Variants in NXPH2 observed in about 807,000 individuals in gnomAD.
NXPH2 encodes the protein neurexophilin-2.
NXPH2 carries 5 observed loss-of-function variants against 19.8 expected under a neutral mutation model. The ratio of observed to expected loss-of-function variants is 0.25; its 90% CI spans 0.13 to 0.53. The LOEUF is 0.53. Among genes scored for constraint, NXPH2 ranks in the 20% least tolerant of loss-of-function variants. NXPH2 has a pLI of 0.96. For missense variants in NXPH2, 289 were observed against 322.8 expected (o/e 0.90, Z 0.80); for synonymous variants, 154 against 127.4 (o/e 1.21, Z -1.41).
intron 1 of NXPH2, among the ~76,000 whole-genome samples, chr2:138,756,086 G>C (rs1319978057): frequency 6.6e-6 from 1 of 150,584 alleles, no homozygotes; most frequent in Non-Finnish European, 1.5e-5. Context: ...TGATTCTTTG[G>C]GATTTTTCTA....
Position 138,671,110 on chromosome 2 carries a change from A to C in NXPH2, c.607T>G (p.Cys203Gly), listed in dbSNP as rs1432513122. The C allele has an allele frequency of 1.2e-6, 2 of 1,613,826 alleles. No individual in the cohort carries two copies. Among genetic ancestry groups the C allele is most frequent in the South Asian group, 1.1e-5 (1 of 91,074 alleles). ...KTDRAKKTALCNFDPSKICYQ... is the reference protein window; with the variant it reads ...KTDRAKKTALGNFDPSKICYQ... Reference sequence around the variant, plus strand: ...CAGATCTTGGATGGGTCAAAGTTGCACAGGGCGGTCTTTTTCGCCCGATCT... The same window carrying C: ...CAGATCTTGGATGGGTCAAAGTTGCCCAGGGCGGTCTTTTTCGCCCGATCT... Residue 203 changes from cysteine to glycine, a missense_variant, in exon 2 of 2, where the codon TGC (cysteine) becomes GGC (glycine). By Grantham distance (159) the Cys-to-Gly change is radical. Transcript: ENST00000272641.
At chr2:138,715,329 G>A (rs953055172) in intron 1 of NXPH2, among the ~76,000 whole-genome samples, 2 of 152,154 alleles carry the variant, frequency 1.3e-5, no homozygotes, top group African/African-American at 4.8e-5. Flanking sequence ...ATTTAGAGTA[G>A]AGTTTCTCAA....
chr2:138,731,829 C>A (rs768276050), intron 1 of NXPH2, among the ~76,000 whole-genome samples: 5 of 152,090 alleles, frequency 3.3e-5, no homozygotes, highest in Admixed American at 6.5e-5. Context: ...CCAGCTTCTT[C>A]ACAATCCCTG....
At chr2:138,733,720 C>A (rs548710028) in intron 1 of NXPH2, among the ~76,000 whole-genome samples, 1 of 152,248 alleles carries the variant, frequency 6.6e-6, no homozygotes, top group South Asian at 2.1e-4. Context: ...AGGTGACTAT[C>A]AAAGGAGGCT....
intron 1 of NXPH2, among the ~76,000 whole-genome samples, chr2:138,702,871 G>A (rs1244750253): frequency 6.6e-6 from 1 of 152,138 alleles, no homozygotes; most frequent in Non-Finnish European, 1.5e-5. Flanking sequence ...GGGAAGTTTA[G>A]GAAGAAGGAA....
At chr2:138,687,902 C>G (rs1266296610) in intron 1 of NXPH2, among the ~76,000 whole-genome samples, 3 of 152,150 alleles carry the variant, frequency 2.0e-5, no homozygotes, top group Admixed American at 6.5e-5. Context: ...GTCTATATCT[C>G]TGTTTTGGTA....
intron 1 of NXPH2, among the ~76,000 whole-genome samples, chr2:138,771,891 C>T (rs1481524109): frequency 1.3e-5 from 2 of 152,162 alleles, no homozygotes; most frequent in Admixed American, 1.3e-4. Context: ...GAACCAATAA[C>T]ATCCACTACA....
intron 1 of NXPH2, among the ~76,000 whole-genome samples, chr2:138,768,348 T>C (rs1258553888): frequency 1.3e-5 from 2 of 152,190 alleles, no homozygotes; most frequent in East Asian, 3.8e-4. Context: ...TCTCTTTCTC[T>C]AATAGAGCTC....
chr2:138,693,765 A>G (rs1487016005), intron 1 of NXPH2, among the ~76,000 whole-genome samples: 2 of 152,120 alleles, frequency 1.3e-5, no homozygotes, highest in Non-Finnish European at 2.9e-5. Flanking sequence ...GAGAGTTCTA[A>G]CCATGAGGAC....
intron 1 of NXPH2, among the ~76,000 whole-genome samples, chr2:138,757,673 T>C (rs13000377): frequency 0.06 from 9,202 of 152,230 alleles, 365 homozygotes; most frequent in Middle Eastern, 0.12. Context: ...ACCCAGCCTC[T>C]AAATTGTGTA....
chr2:138,757,550 G>A (rs1002601837), intron 1 of NXPH2, among the ~76,000 whole-genome samples: 10 of 151,948 alleles, frequency 6.6e-5, no homozygotes, highest in South Asian at 4.2e-4. Flanking sequence ...TGGCATTCCC[G>A]TTTATGCTTG....
intron 1 of NXPH2, among the ~76,000 whole-genome samples, chr2:138,771,367 T>A (rs1044860347): frequency 1.3e-5 from 2 of 151,796 alleles, no homozygotes; most frequent in East Asian, 1.9e-4. Context: ...ATCCATAATA[T>A]CTGGAAAGAC....
chr2:138,765,660 G>T (rs7420845), intron 1 of NXPH2, among the ~76,000 whole-genome samples: 37,391 of 152,154 alleles, frequency 0.25, 4,728 homozygotes, highest in Admixed American at 0.33. Context: ...GCTCCTAAGA[G>T]TGGAATGTAA....
chr2:138,670,438 G>T lies in NXPH2; in HGVS notation c.*484C>A, dbSNP rs560215942. Among the ~76,000 whole-genome samples, 1 of 152,132 alleles carries T rather than the reference G, an allele frequency of 6.6e-6. No homozygotes were observed. The highest frequency in any genetic ancestry group is 1.9e-4 in the East Asian group (1 of 5,178). On this transcript the variant is annotated 3_prime_UTR_variant, in exon 2 of 2. Transcript: ENST00000272641. ...ATCAATAACAGCACAGATGGATGGGGGAAAAGATAGAAATATAAAAAAAAG... is the reference window on the plus strand; with the variant it reads ...ATCAATAACAGCACAGATGGATGGGTGAAAAGATAGAAATATAAAAAAAAG...
chr2:138,730,102 T>C (rs563933599), intron 1 of NXPH2, among the ~76,000 whole-genome samples: 1 of 152,306 alleles, frequency 6.6e-6, no homozygotes, highest in East Asian at 1.9e-4. Context: ...TGTGTCATAA[T>C]TGCTTCCTCT....
chr2:138,745,746 GC>G (rs534463330), intron 1 of NXPH2, among the ~76,000 whole-genome samples: 20 of 152,184 alleles, frequency 1.3e-4, no homozygotes, highest in African/African-American at 4.8e-4. Flanking sequence ...ATTTGCAAAT[GC>G]CAGGCACATC....
intron 1 of NXPH2, among the ~76,000 whole-genome samples, chr2:138,691,790 C>T (rs556443707): frequency 6.6e-6 from 1 of 152,240 alleles, no homozygotes; most frequent in South Asian, 2.1e-4. Context: ...TGAGCAAAAC[C>T]ATCTTGAGCC....
intron 1 of NXPH2, among the ~76,000 whole-genome samples, chr2:138,681,446 G>A (rs754314185): frequency 1.3e-5 from 2 of 152,214 alleles, no homozygotes; most frequent in Middle Eastern, 3.4e-3. Flanking sequence ...TGTCTTTACT[G>A]GTTTAATATG....
intron 1 of NXPH2, among the ~76,000 whole-genome samples, chr2:138,715,822 C>G (rs572704319): frequency 6.6e-6 from 1 of 152,288 alleles, no homozygotes; most frequent in African/African-American, 2.4e-5. Context: ...AGAATCCCTT[C>G]CCAGTCTCAT....
Sources: allele counts gnomAD v4.1 joint callset (sites outside exome capture counted in the v4.1 genomes callset), GRCh38; gene constraint gnomAD v4.1.1; transcripts MANE v1.5; gene names NCBI Gene and HGNC (gene_info 2026-07-23, HGNC 2026-07-21).